DLG2: variants seen among roughly 807,000 people sequenced by gnomAD.
The protein encoded by DLG2 is disks large homolog 2.
In DLG2, 45 loss-of-function variants were observed where a neutral mutation model predicts 132.5. That is an observed-to-expected ratio of 0.34 (90% CI 0.27 to 0.44). DLG2 has a LOEUF of 0.44. DLG2 is among the 20% of genes least tolerant of loss of function. The probability of loss-of-function intolerance (pLI) is 1.00; values close to 1 mark genes in which losing one functional copy is unlikely to be tolerated. For synonymous variants in DLG2, 424 were observed against 419.6 expected, an observed-to-expected ratio of 1.01 and a Z score of -0.13; for missense variants, 1,045 against 1,196.9, an observed-to-expected ratio of 0.87 and a Z score of 1.87.
At chr11:85,431,447 G>C (rs780795019) in intron 3 of DLG2, among the ~76,000 whole-genome samples, 2 of 152,192 alleles carry the variant, frequency 1.3e-5, no homozygotes, top group Non-Finnish European at 2.9e-5. Context: ...AGACTACCAG[G>C]ACCTTGGCTC....
At chr11:85,421,550 G>A (rs1311506030) in intron 3 of DLG2, among the ~76,000 whole-genome samples, 1 of 151,632 alleles carries the variant, frequency 6.6e-6, no homozygotes, top group Non-Finnish European at 1.5e-5. Context: ...GTTTGTGCAA[G>A]TCCTTATGTG....
At chr11:85,543,722 T>G (rs1050501217) in intron 3 of DLG2, among the ~76,000 whole-genome samples, 1 of 152,246 alleles carries the variant, frequency 6.6e-6, no homozygotes, top group African/African-American at 2.4e-5. Context: ...TTGATTTACA[T>G]TTCTCTAATG....
intron 3 of DLG2, among the ~76,000 whole-genome samples, chr11:85,297,879 T>C (rs1014325617): frequency 6.6e-6 from 1 of 152,094 alleles, no homozygotes; most frequent in Non-Finnish European, 1.5e-5. Flanking sequence ...TAGGCTAATA[T>C]GGGCTGTTGG....
chr11:85,555,610 CA>C (rs2153222193), intron 3 of DLG2, among the ~76,000 whole-genome samples: 1 of 151,928 alleles, frequency 6.6e-6, no homozygotes, highest in Non-Finnish European at 1.5e-5. Context: ...AACTTCTTTC[CA>C]AAAGATAACC....
At chr11:84,483,686 A>C (rs1465279055) in intron 7 of DLG2, among the ~76,000 whole-genome samples, 1 of 152,186 alleles carries the variant, frequency 6.6e-6, no homozygotes, top group African/African-American at 2.4e-5. Flanking sequence ...GATGGAGGGG[A>C]GGAAAAGCAG....
intron 19 of DLG2, among the ~76,000 whole-genome samples, chr11:83,565,070 C>T (rs1207872464): frequency 6.6e-6 from 1 of 152,170 alleles, no homozygotes; most frequent in African/African-American, 2.4e-5. Flanking sequence ...ATCATGTTGC[C>T]ATTCACTAGC....
chr11:83,687,581 T>G (rs1348794556), intron 18 of DLG2, among the ~76,000 whole-genome samples: 1 of 152,222 alleles, frequency 6.6e-6, no homozygotes, highest in Admixed American at 6.5e-5. Context: ...TATTGTTCTT[T>G]TTACTTCTGA....
chr11:83,707,392 G>A (rs1329720276), intron 18 of DLG2, among the ~76,000 whole-genome samples: 3 of 152,290 alleles, frequency 2.0e-5, no homozygotes, highest in East Asian at 1.9e-4. Context: ...ACTGTTGGCC[G>A]GGCTCAGTGG....
chr11:83,473,382 T>C (rs17145229), intron 22 of DLG2, among the ~76,000 whole-genome samples: 3,565 of 152,164 alleles, frequency 0.023, 147 homozygotes, highest in African/African-American at 0.081. Context: ...GCGTTGAAAC[T>C]TCAGATAGAG....
intron 11 of DLG2, among the ~76,000 whole-genome samples, chr11:84,053,107 C>T (rs2096429910): frequency 6.6e-6 from 1 of 151,994 alleles, no homozygotes; most frequent in Non-Finnish European, 1.5e-5. Flanking sequence ...AGATCATGTC[C>T]TTTGCAGAGA....
intron 6 of DLG2, among the ~76,000 whole-genome samples, chr11:85,017,421 T>C (rs907388027): frequency 6.6e-6 from 1 of 151,960 alleles, no homozygotes; most frequent in Non-Finnish European, 1.5e-5. Context: ...TGAAATTTGC[T>C]CCTATTAAAA....
intron 3 of DLG2, among the ~76,000 whole-genome samples, chr11:85,539,514 T>C (rs1163177054): frequency 1.3e-5 from 2 of 152,182 alleles, no homozygotes; most frequent in Admixed American, 6.5e-5. Flanking sequence ...GAATTAGAGT[T>C]ACTGCTAATG....
intron 12 of DLG2, among the ~76,000 whole-genome samples, chr11:83,969,949 AG>A (rs1226281226): frequency 6.6e-6 from 1 of 152,018 alleles, no homozygotes; most frequent in Non-Finnish European, 1.5e-5. Context: ...AAAAAAAAAA[AG>A]ATTGCCTAAG....
At chr11:85,217,168 T>G (rs1276625539) in intron 4 of DLG2, among the ~76,000 whole-genome samples, 1 of 152,024 alleles carries the variant, frequency 6.6e-6, no homozygotes, top group East Asian at 1.9e-4. Context: ...AAATTATAAT[T>G]TTTTTAAAAA....
chr11:84,151,998 A>G lies in DLG2; in HGVS notation c.624+11463T>C, dbSNP rs191873577. ...AGATCTTGGAGTGTGTTCCATATAC[A>G]GACAAGAAGAATGTACTTTCTATCA... On this transcript the variant is annotated intron_variant, in intron 9 of 27. Transcript: ENST00000376104. Among the ~76,000 whole-genome samples the G allele has an allele frequency of 1.1e-3, 172 of 152,330 alleles. 2 individuals carry two copies. Among genetic ancestry groups the G allele is most frequent in the African/African-American group, 4.0e-3 (167 of 41,574 alleles).
chr11:85,166,998 T>G (rs1428987696), intron 4 of DLG2, among the ~76,000 whole-genome samples: 1 of 152,164 alleles, frequency 6.6e-6, no homozygotes, highest in African/African-American at 2.4e-5. Context: ...AACTGTTTGG[T>G]AGATTACTTT....
rs769551474 is a variant in DLG2 at position 83,484,166 on chromosome 11, G to T, written c.2256C>A (p.Asn752Lys). The change falls in exon 22 of 28, where the codon AAC becomes AAA. Residue 752 changes from asparagine to lysine, a missense_variant. Physicochemically the swap from Asn to Lys is moderately conservative, Grantham distance 94. Around this residue, in one of 4 missense-constraint regions of DLG2, gnomAD observed 398 missense variants for 543.6 expected, o/e 0.73. Transcript: ENST00000376104. ...IFSRKFPFYK[N>K]KEQSEQETSD... Reference sequence around the variant, plus strand: ...TGGTTTCCTGCTCACTCTGCTCCTTGTTCTTGTAGAATGGGAATTTTCGTG... The same window carrying T: ...TGGTTTCCTGCTCACTCTGCTCCTTTTTCTTGTAGAATGGGAATTTTCGTG... The T allele has an allele frequency of 8.1e-6, 13 of 1,613,266 alleles. No individual in the cohort carries two copies. The highest frequency in any genetic ancestry group is 1.3e-5 in the African/African-American group (1 of 74,832).
intron 7 of DLG2, among the ~76,000 whole-genome samples, chr11:84,489,239 T>C (rs2099158452): frequency 6.6e-6 from 1 of 152,150 alleles, no homozygotes; most frequent in Non-Finnish European, 1.5e-5. Flanking sequence ...AGGTATTATC[T>C]GTCTTTAGTC....
At chr11:85,241,362 A>G (rs1037489200) in intron 4 of DLG2, among the ~76,000 whole-genome samples, 10 of 151,946 alleles carry the variant, frequency 6.6e-5, no homozygotes, top group African/African-American at 2.2e-4. Context: ...TTATTTTCCA[A>G]TCCTTTGACT....
Sources: gnomAD v4.1 joint callset for allele counts (sites outside exome capture counted in the v4.1 genomes callset) on GRCh38, gnomAD v4.1.1 for gene constraint, gnomAD v4.1.1 regional missense constraint, MANE v1.5 for transcripts, NCBI Gene and HGNC (gene_info 2026-07-23, HGNC 2026-07-21) for gene names.